DDB2: variants seen among roughly 807,000 people sequenced by gnomAD.
DDB2 encodes the protein DNA damage-binding protein 2.
In DDB2, 27 loss-of-function variants were observed where a neutral mutation model predicts 50.5. The observed-to-expected ratio is 0.53, with a 90% CI of 0.39 to 0.74. The LOEUF (loss-of-function observed/expected upper bound fraction) is 0.74. Ranked by LOEUF, DDB2 falls within the 30% of genes least tolerant of loss-of-function variation. The probability of loss-of-function intolerance (pLI) is 0.00; values close to 1 mark genes in which losing one functional copy is unlikely to be tolerated. For missense variants in DDB2, 424 were observed against 545.6 expected, an observed-to-expected ratio of 0.78 and a Z score of 2.22; for synonymous variants, 176 against 205.5, an observed-to-expected ratio of 0.86 and a Z score of 1.23.
At chr11:47,223,941 C>CA (rs1196213119) in intron 3 of DDB2, among the ~76,000 whole-genome samples, 5 of 152,010 alleles carry the variant, frequency 3.3e-5, no homozygotes, top group Non-Finnish European at 7.4e-5. Context: ...CCCATCTCTA[C>CA]AAAAAAATCT....
chr11:47,235,210 A>C, intron 6 of DDB2, 60 bp from the exon 7 acceptor site: 1 of 1,612,284 alleles, frequency 6.2e-7, no homozygotes, highest in Non-Finnish European at 8.5e-7. Flanking sequence ...GAAGGCCTGC[A>C]AGGCCAGGAC....
At chr11:47,226,419 G>T (rs965637087) in intron 3 of DDB2, among the ~76,000 whole-genome samples, 1 of 151,892 alleles carries the variant, frequency 6.6e-6, no homozygotes, top group Admixed American at 6.6e-5. Context: ...GATTATAGGC[G>T]CACACCACCA....
At chr11:47,229,286 G>A (rs1293031687) in intron 3 of DDB2, among the ~76,000 whole-genome samples, 1 of 152,148 alleles carries the variant, frequency 6.6e-6, no homozygotes, top group Non-Finnish European at 1.5e-5. Flanking sequence ...GAATAGTGAA[G>A]TCTGAAGCGG....
Position 47,214,975 on chromosome 11 carries a change from G to T in DDB2, c.-162G>T. ...CGGGTGGGGCCGGAGCTCCAAGCTGGTTTGAACAAGCCCTGGGCATGTTTG... is the reference window on the plus strand; with the variant it reads ...CGGGTGGGGCCGGAGCTCCAAGCTGTTTTGAACAAGCCCTGGGCATGTTTG... On this transcript the variant is annotated 5_prime_UTR_variant, in exon 1 of 10. Transcript: ENST00000256996. 1.9e-6 allele frequency: 2 copies of T among 1,068,796 alleles called. No individual in the cohort carries two copies. The highest frequency in any genetic ancestry group is 2.8e-6 in the Non-Finnish European group (2 of 711,772). The allele number at this position is 1,068,796 out of a possible 1,614,324, so 66.2% of individuals were successfully genotyped here.
At position 47,238,127 on chromosome 11, in the gene DDB2, T is replaced by C; in HGVS notation, c.1189-11T>C. ...CACCCTCTCCTCATGTTGACACTCT[T>C]GTCTCTGCAGCTTAATGAATTCAAT... On this transcript the variant is annotated splice_polypyrimidine_tract_variant and intron_variant, in intron 8 of 9. Transcript: ENST00000256996. 6.2e-7 allele frequency: 1 copy of C among 1,612,602 alleles called. No individual in the cohort carries two copies. Among genetic ancestry groups the C allele is most frequent in the South Asian group, 1.1e-5 (1 of 90,764 alleles).
chr11:47,219,891 G>C (rs1417589986), intron 3 of DDB2, among the ~76,000 whole-genome samples: 1 of 152,116 alleles, frequency 6.6e-6, no homozygotes, highest in Non-Finnish European at 1.5e-5. Context: ...AGGTTCACGC[G>C]ATTCTCCTGC....
chr11:47,235,234 T>C (rs1953708506), intron 6 of DDB2, 36 bp from the exon 7 acceptor site: 3 of 1,614,222 alleles, frequency 1.9e-6, no homozygotes. Flanking sequence ...AGAGGGCTTG[T>C]GGTTCCTTCA....
intron 3 of DDB2, chr11:47,220,203 T>C (rs1286281882): frequency 6.6e-6 from 1 of 152,256 alleles, no homozygotes; most frequent in Non-Finnish European, 1.5e-5. Flanking sequence ...AAGGAACAAG[T>C]GCCAGAAGCC....
intron 1 of DDB2, 84 bp downstream of exon 1, chr11:47,215,347 G>T: frequency 1.2e-6 from 2 of 1,603,280 alleles, no homozygotes; most frequent in Non-Finnish European, 8.5e-7. Context: ...GGTGCTCCGA[G>T]GCTCCCGAGG....
chr11:47,220,276 G>C (rs1203983670), intron 3 of DDB2: 1 of 152,262 alleles, frequency 6.6e-6, no homozygotes, highest in Non-Finnish European at 1.5e-5. Flanking sequence ...CCCAGCTAAA[G>C]AGGCAGGTGA....
intron 3 of DDB2, 129 bp downstream of exon 3, chr11:47,217,178 C>A: frequency 1.3e-6 from 1 of 744,426 alleles, no homozygotes; most frequent in Non-Finnish European, 2.3e-6. Flanking sequence ...GAGTTTGAGA[C>A]CAGCCTGGCC....
At chr11:47,219,540 T>C (rs941748948) in intron 3 of DDB2, among the ~76,000 whole-genome samples, 10 of 152,100 alleles carry the variant, frequency 6.6e-5, no homozygotes, top group Non-Finnish European at 1.0e-4. Flanking sequence ...TTTAGAGATG[T>C]GGTCTCTCTA....
intron 3 of DDB2, among the ~76,000 whole-genome samples, chr11:47,231,609 G>A (rs1206252624): frequency 6.6e-6 from 1 of 151,972 alleles, no homozygotes; most frequent in Non-Finnish European, 1.5e-5. Context: ...CTGCAGCCTC[G>A]ACCTCCAGGC....
chr11:47,219,501 C>A (rs1369131475), intron 3 of DDB2, among the ~76,000 whole-genome samples: 1 of 152,072 alleles, frequency 6.6e-6, no homozygotes, highest in Non-Finnish European at 1.5e-5. Flanking sequence ...TCAGGGACTA[C>A]AGGTACGCAC....
chr11:47,235,244 A>C, intron 6 of DDB2, 26 bp from the exon 7 acceptor site: 1 of 1,614,214 alleles, frequency 6.2e-7, no homozygotes, highest in Non-Finnish European at 8.5e-7. Flanking sequence ...TGGTTCCTTC[A>C]GCTCAGGGGC....
At chr11:47,217,258 C>G (rs1049188569) in intron 3 of DDB2, 5 of 460,580 alleles carry the variant, frequency 1.1e-5, no homozygotes. Context: ...CGCCTATAAT[C>G]CCAGCTACTC....
chr11:47,234,851 C>G lies in DDB2; in HGVS notation c.797C>G (p.Thr266Arg), dbSNP rs1348203079. 6.2e-7 allele frequency: 1 copy of G among 1,614,056 alleles called. No homozygotes were observed. Among genetic ancestry groups the G allele is most frequent in the Non-Finnish European group, 8.5e-7 (1 of 1,180,044 alleles). ...CTGGCCACAGCCTCCGTAGATCAAACAGTGAAAATTTGGGACCTGCGCCAG... is the reference window on the plus strand; with the variant it reads ...CTGGCCACAGCCTCCGTAGATCAAAGAGTGAAAATTTGGGACCTGCGCCAG... ...WFLATASVDQTVKIWDLRQVR... is the reference protein window; with the variant it reads ...WFLATASVDQRVKIWDLRQVR... Residue 266 changes from threonine to arginine, a missense_variant, in exon 6 of 10, where the codon ACA becomes AGA. Transcript: ENST00000256996.
intron 3 of DDB2, among the ~76,000 whole-genome samples, chr11:47,223,026 A>T (rs1176319415): frequency 6.6e-6 from 1 of 152,196 alleles, no homozygotes; most frequent in Non-Finnish European, 1.5e-5. Context: ...TTATCTAGAA[A>T]AGTATTTTGC....
chr11:47,238,213 C>T, intron 9 of DDB2, 30 bp downstream of exon 9: 1 of 1,587,378 alleles, frequency 6.3e-7, no homozygotes, highest in Non-Finnish European at 8.6e-7. Flanking sequence ...CTCTGACTTG[C>T]CAAGTCCGAT....
Sources: allele counts gnomAD v4.1 joint callset (sites outside exome capture counted in the v4.1 genomes callset), GRCh38; gene constraint gnomAD v4.1.1; transcripts MANE v1.5; gene names NCBI Gene and HGNC (gene_info 2026-07-23, HGNC 2026-07-21).